GPSM2: variants seen among roughly 807,000 people sequenced by gnomAD.
GPSM2 encodes the protein G protein signaling modulator 2, also known as G protein-signaling modulator 2.
GPSM2 carries 58 observed loss-of-function variants against 78.4 expected under a neutral mutation model. The ratio of observed to expected loss-of-function variants is 0.74; its 90% CI spans 0.60 to 0.92. GPSM2 has a LOEUF of 0.92. GPSM2 is among the 40% of genes least tolerant of loss of function. The probability of loss-of-function intolerance (pLI) is 0.00; values close to 1 mark genes in which losing one functional copy is unlikely to be tolerated. For missense variants in GPSM2, 700 were observed against 815.5 expected, an observed-to-expected ratio of 0.86 and a Z score of 1.73; for synonymous variants, 224 against 280.2, an observed-to-expected ratio of 0.80 and a Z score of 2.00.
intron 1 of GPSM2, among the ~76,000 whole-genome samples, chr1:108,882,038 A>G (rs1296936739): frequency 6.6e-6 from 1 of 152,118 alleles, no homozygotes; most frequent in Non-Finnish European, 1.5e-5. Flanking sequence ...TATAACCTCC[A>G]ACTCCTGGGC....
chr1:108,929,479 C>T (rs548463870), intron 14 of GPSM2: 11 of 573,594 alleles, frequency 1.9e-5, no homozygotes, highest in African/African-American at 1.9e-4. Context: ...CTATATAAGC[C>T]ATTTTAAAGG....
chr1:108,913,097 A>C (rs1220469809), intron 10 of GPSM2, among the ~76,000 whole-genome samples: 1 of 152,148 alleles, frequency 6.6e-6, no homozygotes, highest in Non-Finnish European at 1.5e-5. Context: ...TATTGATGGG[A>C]TAGAAATTGG....
chr1:108,888,350 C>T (rs549165385), intron 2 of GPSM2, among the ~76,000 whole-genome samples: 57 of 151,540 alleles, frequency 3.8e-4, no homozygotes, highest in Middle Eastern at 3.2e-3. Context: ...CTGCACTTGG[C>T]CTTTTTTTCC....
rs1323862819 is a variant in GPSM2, at chr1:108,877,115, C to G, written c.-362C>G. 1 of 152,164 alleles carries G rather than the reference C, an allele frequency of 6.6e-6. No individual in the cohort carries two copies. The highest frequency in any genetic ancestry group is 1.5e-5 in the Non-Finnish European group (1 of 68,008). The allele number at this position is 152,164 out of a possible 1,614,324, so 9.4% of individuals were successfully genotyped here. A position where few individuals can be genotyped will look rare whatever the true frequency, so the allele number is the denominator to read the frequency against. ...GCCGGGGGCGGGAGCAGGGGGCGCG[C>G]CGGCCTCCTGCGGTGCCCCTGCCTT... On this transcript the variant is annotated 5_prime_UTR_variant, in exon 1 of 15. Transcript: ENST00000264126.
chr1:108,905,778 A>T (rs955045702), intron 10 of GPSM2, among the ~76,000 whole-genome samples: 34 of 152,170 alleles, frequency 2.2e-4, no homozygotes, highest in African/African-American at 8.0e-4. Context: ...GTGATGATAA[A>T]AACGTTTTAC....
In GPSM2 at chr1:108,931,240, C is replaced by G. The variant is rs578225564; in HGVS notation, c.*1300C>G. Reference sequence around the variant, plus strand: ...CAAACAGAAAACAGATGAAAACTCACAAAAATTAAATATGAAAGAAAGATG... The same window carrying G: ...CAAACAGAAAACAGATGAAAACTCAGAAAAATTAAATATGAAAGAAAGATG... On this transcript the variant is annotated 3_prime_UTR_variant, in exon 15 of 15. Coordinates refer to ENST00000264126, the MANE Select transcript of GPSM2 (RefSeq NM_013296.5). The G allele has an allele frequency of 7.1e-7, 1 of 1,410,554 alleles. No homozygotes were observed. Among genetic ancestry groups the G allele is most frequent in the South Asian group, 1.5e-5 (1 of 66,662 alleles). 87.4% of individuals were successfully genotyped at this position (1,410,554 alleles called of 1,614,324 possible).
rs189474728 is a variant in GPSM2 at position 108,920,874 on chromosome 1, A to G, written c.1441-1543A>G. Among the ~76,000 whole-genome samples the G allele has an allele frequency of 9.7e-3, 1,484 of 152,294 alleles. 19 individuals are homozygous for G. Among genetic ancestry groups the G allele is most frequent in the Non-Finnish European group, 0.014 (929 of 68,022 alleles). On this transcript the variant is annotated intron_variant, in intron 12 of 14. Transcript: ENST00000264126. ...AGGAGCCATATGTGTTTTCACATTC[A>G]GAGTTTTGAATTCTAGGCTTTTTTG...
chr1:108,931,548 T>A lies in GPSM2; in HGVS notation c.*1608T>A. The A allele has an allele frequency of 6.7e-7, 1 of 1,500,800 alleles. No homozygotes were observed. The highest frequency in any genetic ancestry group is 8.9e-7 in the Non-Finnish European group (1 of 1,119,068). 93.0% of individuals were successfully genotyped at this position (1,500,800 alleles called of 1,614,324 possible). Reference sequence around the variant, plus strand: ...CAAAAAGTCATTCAGGTGATTTGGATGGGCAAATAGAACTATTTCTCTAAT... The same window carrying A: ...CAAAAAGTCATTCAGGTGATTTGGAAGGGCAAATAGAACTATTTCTCTAAT... On this transcript the variant is annotated 3_prime_UTR_variant, in exon 15 of 15. Transcript: ENST00000264126.
chr1:108,918,826 A>T, intron 12 of GPSM2, 37 bp downstream of exon 12: 2 of 1,402,542 alleles, frequency 1.4e-6, no homozygotes, highest in Non-Finnish European at 2.0e-6. Context: ...TTGTGTTTTG[A>T]GTACCGACAT....
At position 108,921,511 on chromosome 1, in the gene GPSM2, T is replaced by C. The variant is rs375614162; in HGVS notation, c.1441-906T>C. ...ACCTGAACTGATGTCCCTGCCTTCA[T>C]TTATTATCTCTAAACAAAACTGCTT... On this transcript the variant is annotated intron_variant, in intron 12 of 14. Transcript: ENST00000264126. Among the ~76,000 whole-genome samples, 8 of 152,316 alleles carry C rather than the reference T, an allele frequency of 5.3e-5. No homozygotes were observed. The East Asian group carries it at 1.3e-3, about 26-fold the overall frequency.
chr1:108,921,929 T>A (rs1650739190), intron 12 of GPSM2, among the ~76,000 whole-genome samples: 1 of 152,238 alleles, frequency 6.6e-6, no homozygotes, highest in African/African-American at 2.4e-5. Context: ...CCAAATGAAG[T>A]ATAAATATAG....
chr1:108,917,611 C>CACACATATATAT (rs1312607573), intron 11 of GPSM2, among the ~76,000 whole-genome samples: 10 of 22,708 alleles, frequency 4.4e-4, no homozygotes, highest in Non-Finnish European at 6.3e-4. Flanking sequence ...CACACACACA[C>CACACATATATAT]ATATATATAT....
chr1:108,883,110 G>C (rs1348618082), intron 1 of GPSM2, among the ~76,000 whole-genome samples: 2 of 152,186 alleles, frequency 1.3e-5, no homozygotes, highest in African/African-American at 4.8e-5. Flanking sequence ...TGCTTCCTTT[G>C]TTGGCCAAGG....
intron 7 of GPSM2, among the ~76,000 whole-genome samples, chr1:108,900,233 A>ATTT (rs756615139): frequency 7.6e-6 from 1 of 131,206 alleles, no homozygotes; most frequent in African/African-American, 2.8e-5. Flanking sequence ...TCTTCTTTAG[A>ATTT]TTTTTTTTTT....
chr1:108,922,172 G>C (rs1199006634), intron 12 of GPSM2, among the ~76,000 whole-genome samples: 1 of 152,208 alleles, frequency 6.6e-6, no homozygotes, highest in Non-Finnish European at 1.5e-5. Context: ...TTCAGTATCT[G>C]TAGTGGTTCT....
At position 108,934,540 on chromosome 1, in the gene GPSM2, T is replaced by C. The variant is rs1652568500; in HGVS notation, c.*4600T>C. On this transcript the variant is annotated 3_prime_UTR_variant, in exon 15 of 15. Coordinates refer to ENST00000264126, the MANE Select transcript of GPSM2 (RefSeq NM_013296.5). Reference sequence around the variant, plus strand: ...GTCAGTAAAAATGTGAATGTTGAAGTTGAAATGTGAATGTTGAAGTTGGCA... The same window carrying C: ...GTCAGTAAAAATGTGAATGTTGAAGCTGAAATGTGAATGTTGAAGTTGGCA... The C allele has an allele frequency of 9.5e-7, 1 of 1,050,836 alleles. No homozygotes were observed. The allele number at this position is 1,050,836 out of a possible 1,614,324, so 65.1% of individuals were successfully genotyped here.
chr1:108,927,798 CA>C (rs1224705359), intron 14 of GPSM2, among the ~76,000 whole-genome samples: 3 of 152,082 alleles, frequency 2.0e-5, no homozygotes, highest in Non-Finnish European at 4.4e-5. Context: ...AGTGAGACCC[CA>C]TCTCTATAAA....
intron 2 of GPSM2, among the ~76,000 whole-genome samples, chr1:108,886,736 A>G (rs1395655133): frequency 1.3e-5 from 2 of 152,186 alleles, no homozygotes; most frequent in Non-Finnish European, 2.9e-5. Flanking sequence ...TCAGGATCCA[A>G]ATCAGACATA....
chr1:108,886,872 G>T (rs543049230), intron 2 of GPSM2, among the ~76,000 whole-genome samples: 1 of 151,816 alleles, frequency 6.6e-6, no homozygotes, highest in South Asian at 2.1e-4. Context: ...GAGTGTGTGT[G>T]TGTGTGTTTT....
Sources: gnomAD v4.1 joint callset for allele counts (sites outside exome capture counted in the v4.1 genomes callset) on GRCh38, gnomAD v4.1.1 for gene constraint, MANE v1.5 for transcripts, NCBI Gene and HGNC (gene_info 2026-07-23, HGNC 2026-07-21) for gene names.